Variants in SH2D4B observed in about 807,000 individuals in gnomAD.
SH2D4B encodes SH2 domain-containing protein 4B.
A neutral mutation model predicts 61.5 loss-of-function variants in SH2D4B; 45 were observed. That is an observed-to-expected ratio of 0.73 (90% confidence interval 0.58 to 0.94). SH2D4B has a LOEUF of 0.94. Ranked by LOEUF, SH2D4B falls within the 40% of genes least tolerant of loss-of-function variation. The pLI is 0.00. For missense variants in SH2D4B, 572 were observed against 574.2 expected, an observed-to-expected ratio of 1.00 and a Z score of 0.04; for synonymous variants, 224 against 220.4, an observed-to-expected ratio of 1.02 and a Z score of -0.14.
chr10:80,570,810 A>G (rs1030444431), intron 2 of SH2D4B, among the ~76,000 whole-genome samples: 25 of 152,236 alleles, frequency 1.6e-4, no homozygotes, highest in African/African-American at 6.0e-4. Flanking sequence ...TATTATAAAA[A>G]TAATCTGACA....
intron 4 of SH2D4B, among the ~76,000 whole-genome samples, chr10:80,603,102 T>C (rs1842470616): frequency 6.6e-6 from 1 of 152,040 alleles, no homozygotes; most frequent in South Asian, 2.1e-4. Flanking sequence ...GCCCAGGGCT[T>C]GGCATTGTCA....
chr10:80,573,022 G>A (rs1371024566), intron 3 of SH2D4B, among the ~76,000 whole-genome samples: 2 of 53,356 alleles, frequency 3.7e-5, no homozygotes, highest in Non-Finnish European at 7.2e-5. Context: ...TTTTTGAGAC[G>A]GAGTCTCCCT....
chr10:80,621,017 A>G (rs541923673), intron 6 of SH2D4B, among the ~76,000 whole-genome samples: 2 of 152,362 alleles, frequency 1.3e-5, no homozygotes, highest in East Asian at 1.9e-4. Flanking sequence ...TATGGAAACT[A>G]TGTTTCTTGC....
At chr10:80,560,499 C>G (rs1841890421) in intron 1 of SH2D4B, among the ~76,000 whole-genome samples, 1 of 151,726 alleles carries the variant, frequency 6.6e-6, no homozygotes, top group African/African-American at 2.4e-5. Flanking sequence ...CATCCTCCAG[C>G]CTCAGCCTTC....
chr10:80,565,782 A>G (rs945108570), intron 1 of SH2D4B, among the ~76,000 whole-genome samples: 10 of 152,086 alleles, frequency 6.6e-5, no homozygotes, highest in Admixed American at 2.0e-4. Flanking sequence ...GGCAGGAAGA[A>G]GAAGGTCGGG....
In SH2D4B at chr10:80,572,886, G is replaced by A. The variant is rs543812330; in HGVS notation, c.495+1308G>A. 2.2e-5 allele frequency among the ~76,000 whole-genome samples: 3 copies of A among 137,266 alleles called. 1 individual carries two copies. In the South Asian group the frequency reaches 7.4e-4, roughly 34 times the overall value. 90.1% of individuals were successfully genotyped at this position (137,266 alleles called of 152,430 possible). A position where few individuals can be genotyped will look rare whatever the true frequency, so the allele number is the denominator to read the frequency against. On this transcript the variant is annotated intron_variant, in intron 3 of 7. Coordinates refer to ENST00000646907, the MANE Select transcript of SH2D4B (RefSeq NM_001388272.1). ...GCCCGCCTCAGCCTCCCAAAGTGCT[G>A]GGATTATGGGTGTGAGCCACTGCAC...
chr10:80,600,592 G>C (rs765155777), intron 4 of SH2D4B, among the ~76,000 whole-genome samples: 4 of 151,840 alleles, frequency 2.6e-5, no homozygotes, highest in Non-Finnish European at 4.4e-5. Flanking sequence ...AGTAAGGAAA[G>C]TAGGCAGGGC....
chr10:80,542,061 G>C (rs1042929082), intron 1 of SH2D4B, among the ~76,000 whole-genome samples: 3 of 152,140 alleles, frequency 2.0e-5, no homozygotes, highest in African/African-American at 7.2e-5. Flanking sequence ...GTGCTATCAC[G>C]TTTCTGACAA....
In SH2D4B at chr10:80,570,331, G is replaced by A. The variant is rs1842025962; in HGVS notation, c.347+15G>A. ...GAGGAGCTCTGGTGAGGGGTGCTAT[G>A]GGGTGTTGGGTGGGGCCTAGGCATG... On this transcript the variant is annotated intron_variant, in intron 2 of 7. Coordinates refer to ENST00000646907, the MANE Select transcript of SH2D4B (RefSeq NM_001388272.1). The A allele has an allele frequency of 1.9e-6, 3 of 1,611,708 alleles. No homozygotes were observed. Among genetic ancestry groups the A allele is most frequent in the Non-Finnish European group, 2.5e-6 (3 of 1,179,620 alleles).
intron 6 of SH2D4B, among the ~76,000 whole-genome samples, chr10:80,631,237 A>G (rs1028359575): frequency 2.2e-4 from 34 of 152,132 alleles, no homozygotes; most frequent in African/African-American, 7.5e-4. Flanking sequence ...GAATCAATGG[A>G]AGTGTTTGTT....
At chr10:80,602,621 G>A (rs1174951436) in intron 4 of SH2D4B, among the ~76,000 whole-genome samples, 2 of 152,260 alleles carry the variant, frequency 1.3e-5, no homozygotes, top group Admixed American at 1.3e-4. Context: ...AAGGTCATGG[G>A]AAACCAAGAA....
chr10:80,599,618 A>G (rs955578471), intron 4 of SH2D4B, among the ~76,000 whole-genome samples: 2 of 152,198 alleles, frequency 1.3e-5, no homozygotes, highest in Non-Finnish European at 2.9e-5. Context: ...GGCAGCCATC[A>G]GGCGTTGCCC....
At chr10:80,599,177 G>A (rs966786282) in intron 4 of SH2D4B, among the ~76,000 whole-genome samples, 6 of 152,140 alleles carry the variant, frequency 3.9e-5, no homozygotes, top group African/African-American at 1.4e-4. Flanking sequence ...CTAAAATGCT[G>A]TAGGCTTGAG....
In SH2D4B at chr10:80,644,148, C is replaced by T; in HGVS notation, c.*63C>T. On this transcript the variant is annotated 3_prime_UTR_variant, in exon 8 of 8. Coordinates refer to ENST00000646907, the MANE Select transcript of SH2D4B (RefSeq NM_001388272.1). ...GTTTTTGAACTCAGCTTAAGAACTT[C>T]TCATCTCAAATCCTATGGCCTTCTG... The T allele has an allele frequency of 7.5e-7, 1 of 1,337,538 alleles. No individual in the cohort carries two copies. 82.9% of individuals were successfully genotyped at this position (1,337,538 alleles called of 1,614,324 possible).
intron 1 of SH2D4B, among the ~76,000 whole-genome samples, chr10:80,567,881 A>G (rs1368574110): frequency 1.3e-5 from 2 of 152,228 alleles, no homozygotes; most frequent in Admixed American, 6.5e-5. Flanking sequence ...CATTTAAGTC[A>G]TGAACAACCA....
At chr10:80,627,926 C>A in intron 6 of SH2D4B, among the ~76,000 whole-genome samples, 2 of 152,186 alleles carry the variant, frequency 1.3e-5, no homozygotes, top group Non-Finnish European at 2.9e-5. Flanking sequence ...AATATTCATT[C>A]TAAAATTGTC....
At chr10:80,607,203 T>C (rs1218289116) in intron 5 of SH2D4B, 2 of 152,264 alleles carry the variant, frequency 1.3e-5, no homozygotes, top group Non-Finnish European at 2.9e-5. Context: ...TATTTTTTGC[T>C]GTTACATATA....
intron 1 of SH2D4B, among the ~76,000 whole-genome samples, chr10:80,568,121 T>A (rs894435411): frequency 5.3e-5 from 8 of 151,798 alleles, no homozygotes; most frequent in Non-Finnish European, 1.0e-4. Context: ...AGAGTCTTGC[T>A]CTGTCGCTCA....
intron 6 of SH2D4B, among the ~76,000 whole-genome samples, chr10:80,620,349 T>C (rs930460067): frequency 1.3e-5 from 2 of 152,188 alleles, no homozygotes; most frequent in Non-Finnish European, 2.9e-5. Flanking sequence ...TCGCTTCCCC[T>C]TCACCCTTCC....
Sources: allele counts gnomAD v4.1 joint callset (sites outside exome capture counted in the v4.1 genomes callset), GRCh38; gene constraint gnomAD v4.1.1; transcripts MANE v1.5; gene names NCBI Gene and HGNC (gene_info 2026-07-23, HGNC 2026-07-21).